ARFRP1: variants seen among roughly 807,000 people sequenced by gnomAD.
ARFRP1 encodes ARF related protein 1.
Under a neutral mutation model 30.3 loss-of-function variants are expected in ARFRP1, and 19 were observed. The observed-to-expected ratio is 0.63, with a 90% CI of 0.44 to 0.92. The LOEUF (loss-of-function observed/expected upper bound fraction) is 0.92, where lower values mean the gene tolerates loss of function less well. Among genes scored for constraint, ARFRP1 ranks in the 40% least tolerant of loss-of-function variants. The probability of loss-of-function intolerance (pLI) is 0.00; values close to 1 mark genes in which losing one functional copy is unlikely to be tolerated. For missense variants in ARFRP1, 245 were observed against 267.5 expected (o/e 0.92, Z 0.59); for synonymous variants, 133 against 114.2 (o/e 1.16, Z -1.05).
intron 5 of ARFRP1, 114 bp from the exon 6 acceptor site, chr20:63,702,014 T>A: frequency 9.8e-6 from 2 of 204,176 alleles, no homozygotes; most frequent in Non-Finnish European, 1.6e-5. Context: ...CCCCCCCCCG[T>A]CACCCACTAG....
At chr20:63,701,513 T>A (rs1198295977) in intron 6 of ARFRP1, 1 of 534,722 alleles carries the variant, frequency 1.9e-6, no homozygotes, top group Non-Finnish European at 3.5e-6. Flanking sequence ...GAGCTCTGAG[T>A]TTCACCTGGG....
Position 63,701,916 on chromosome 20 carries a change from GAGGCAGCGCCTCA to G in ARFRP1, c.347-29_347-17del. The G allele has an allele frequency of 6.5e-7, 1 of 1,549,270 alleles. No homozygotes were observed. The highest frequency in any genetic ancestry group is 8.7e-7 in the Non-Finnish European group (1 of 1,146,654). Reference sequence around the variant, plus strand: ...ACCACCTTCTCTGGGGAGGGCAGGAGAGGCAGCGCCTCACACCCAGCATCCTGCCTCTGACTGC... The same window carrying G: ...ACCACCTTCTCTGGGGAGGGCAGGAGCACCCAGCATCCTGCCTCTGACTGC... On this transcript the variant is annotated splice_polypyrimidine_tract_variant and intron_variant, in intron 5 of 7. Transcript: ENST00000622789.
chr20:63,700,839 A>C lies in ARFRP1; in HGVS notation c.418-137T>G, dbSNP rs2091170087. 3 of 1,183,052 alleles carry C rather than the reference A, an allele frequency of 2.5e-6. No homozygotes were observed. In the South Asian group the frequency reaches 4.4e-5, roughly 17 times the overall value. The allele number at this position is 1,183,052 out of a possible 1,614,324, so 73.3% of individuals were successfully genotyped here. A position where few individuals can be genotyped will look rare whatever the true frequency, so the allele number is the denominator to read the frequency against. ...CTCCACCAGGGTCCCAGTGTCTCCC[A>C]CAGAGACCACAGCAGTGAGGACCCT... On this transcript the variant is annotated intron_variant, in intron 6 of 7. Coordinates refer to ENST00000622789, the MANE Select transcript of ARFRP1 (RefSeq NM_001267547.3).
intron 1 of ARFRP1, chr20:63,707,621 A>C (rs1284420764): frequency 6.6e-6 from 1 of 152,412 alleles, no homozygotes; most frequent in East Asian, 1.9e-4. Flanking sequence ...AGCGGACTAC[A>C]GGGCGGGTGA....
chr20:63,702,510 T>G, intron 4 of ARFRP1: 1 of 400,660 alleles, frequency 2.5e-6, no homozygotes, highest in East Asian at 5.1e-5. Flanking sequence ...CCCAACACTT[T>G]GGGAGGCAGA....
chr20:63,707,309 G>A (rs1174174927), intron 1 of ARFRP1: 5 of 561,426 alleles, frequency 8.9e-6, no homozygotes, highest in African/African-American at 7.5e-5. Context: ...CAATGACTGC[G>A]ACCTCTCCGC....
intron 4 of ARFRP1, chr20:63,705,119 ATC>A (rs2091392863): frequency 6.6e-6 from 1 of 152,606 alleles, no homozygotes; most frequent in Admixed American, 6.5e-5. Context: ...GATCATCATC[ATC>A]TGTGTCACTC....
At chr20:63,703,043 C>G (rs2091287663) in intron 4 of ARFRP1, 1 of 152,252 alleles carries the variant, frequency 6.6e-6, no homozygotes, top group African/African-American at 2.4e-5. Context: ...GAGTGCACCT[C>G]TATCTCAATC....
At chr20:63,701,274 A>G (rs746535440) in intron 6 of ARFRP1, 1 of 456,018 alleles carries the variant, frequency 2.2e-6, no homozygotes, top group South Asian at 1.5e-5. Context: ...AGAAGGCAGG[A>G]AGTGAAGATT....
intron 1 of ARFRP1, chr20:63,707,406 C>G (rs564210276): frequency 3.7e-6 from 1 of 273,142 alleles, no homozygotes; most frequent in African/African-American, 2.2e-5. Context: ...CCGCCCTCCC[C>G]CGAGGCTTCG....
intron 4 of ARFRP1, 111 bp from the exon 5 acceptor site, chr20:63,702,328 G>T: frequency 9.6e-7 from 1 of 1,039,994 alleles, no homozygotes; most frequent in Non-Finnish European, 1.4e-6. Context: ...AGGGGCAAGA[G>T]GGCAGCCCCC....
Position 63,706,400 on chromosome 20 carries a change from C to T in ARFRP1, c.221G>A (p.Trp74Ter). Residue 74 changes from tryptophan to a stop codon, truncating the protein, a stop_gained, in exon 4 of 8, where the codon TGG becomes TAG. Coordinates refer to ENST00000622789, the MANE Select transcript of ARFRP1 (RefSeq NM_001267547.3). LOFTEE classifies it high-confidence loss of function. Reference sequence around the variant, plus strand: ...CAGCTCTTCCTGCCCTCCTAAGTCCCAGAACATGAGCCGAGCCTTTCCCAC... The same window carrying T: ...CAGCTCTTCCTGCCCTCCTAAGTCCTAGAACATGAGCCGAGCCTTTCCCAC... ...VDVGKARLMF[W>*]DLGGQEELQS... 1 of 1,613,424 alleles carries T rather than the reference C, an allele frequency of 6.2e-7. No homozygotes were observed. Among genetic ancestry groups the T allele is most frequent in the Non-Finnish European group, 8.5e-7 (1 of 1,180,006 alleles).
chr20:63,706,305 G>A, intron 4 of ARFRP1, 52 bp downstream of exon 4: 4 of 1,533,448 alleles, frequency 2.6e-6, no homozygotes, highest in Non-Finnish European at 3.6e-6. Context: ...ACTCTGGAAA[G>A]AAGTGGCACT....
intron 6 of ARFRP1, chr20:63,701,496 C>G: frequency 2.0e-6 from 1 of 508,152 alleles, no homozygotes. Context: ...CCCAGCATCA[C>G]TTCTTTGAGC....
rs1359865339 is a variant in ARFRP1, at chr20:63,699,159, C to T, written c.*1284G>A. ...GGGCTGCACCAGCCACTCGCCTCCC[C>T]AGCACGGCCAGGTTCCCGGGGCTGG... On this transcript the variant is annotated 3_prime_UTR_variant, in exon 8 of 8. Transcript: ENST00000622789. 1 of 152,426 alleles carries T rather than the reference C, an allele frequency of 6.6e-6. No individual in the cohort carries two copies. Among genetic ancestry groups the T allele is most frequent in the South Asian group, 2.1e-4 (1 of 4,838 alleles). The allele number at this position is 152,426 out of a possible 1,614,324, so 9.4% of individuals were successfully genotyped here.
intron 4 of ARFRP1, chr20:63,705,575 C>T (rs2091413410): frequency 4.0e-6 from 2 of 498,890 alleles, no homozygotes; most frequent in African/African-American, 2.0e-5. Flanking sequence ...CGCTGTGAGA[C>T]CCTGAGGAGT....
rs772347254 is a variant in ARFRP1, at chr20:63,706,703, C to T, written c.129G>A (p.Lys43=). The T allele has an allele frequency of 2.5e-6, 4 of 1,613,904 alleles. No individual in the cohort carries two copies. Among genetic ancestry groups the T allele is most frequent in the South Asian group, 1.1e-5 (1 of 91,072 alleles). Residue 43 remains lysine, a synonymous_variant, in exon 3 of 8, where the codon AAG becomes AAA. Coordinates refer to ENST00000622789, the MANE Select transcript of ARFRP1 (RefSeq NM_001267547.3). ...FLEQSKTRFN[K]NYKGMSLSKI... is the part of the protein sequence containing the mutation. The stretch of plus-strand genomic sequence containing the variant: ...TGGATAGACTCATCCCCTTGTAGTT[C>T]TTGTTAAATCGGGTTTTCGACTGCT...
intron 5 of ARFRP1, 98 bp from the exon 6 acceptor site, chr20:63,701,998 G>GCCCCCCCCCCCCCTCCC: frequency 1.7e-6 from 1 of 583,916 alleles, no homozygotes; most frequent in South Asian, 2.1e-5. Context: ...CACTCCCTCT[G>GCCCCCCCCCCCCCTCCC]CCCCCCCCCC....
At chr20:63,702,011 C>CG in intron 5 of ARFRP1, 111 bp from the exon 6 acceptor site, 1 of 1,016,158 alleles carries the variant, frequency 9.8e-7, no homozygotes, top group Non-Finnish European at 1.4e-6. Flanking sequence ...CCCCCCCCCC[C>CG]CGTCACCCAC....
Sources: gnomAD v4.1 joint callset for allele counts on GRCh38, gnomAD v4.1.1 for gene constraint, MANE v1.5 for transcripts, NCBI Gene and HGNC (gene_info 2026-07-23, HGNC 2026-07-21) for gene names.